The following CADM1 variants were observed in gnomAD, a reference collection of about 807,000 sequenced individuals.
CADM1 encodes cell adhesion molecule 1.
A neutral mutation model predicts 53.1 loss-of-function variants in CADM1; 15 were observed. The observed-to-expected ratio is 0.28, with a 90% CI of 0.19 to 0.44. CADM1 has a LOEUF of 0.44. CADM1 is among the 20% of genes least tolerant of loss of function. The probability of loss-of-function intolerance (pLI) is 1.00; values close to 1 mark genes in which losing one functional copy is unlikely to be tolerated. For missense variants in CADM1, 434 were observed against 611.3 expected (o/e 0.71, Z 3.06); for synonymous variants, 281 against 243.0 (o/e 1.16, Z -1.45).
chr11:115,225,199 T>C (rs1941558168), intron 5 of CADM1, among the ~76,000 whole-genome samples: 1 of 151,990 alleles, frequency 6.6e-6, no homozygotes, highest in African/African-American at 2.4e-5. Flanking sequence ...ATTAATGAGC[T>C]TGCAAACGAG....
At chr11:115,250,615 ACT>A (rs1035802331) in intron 1 of CADM1, among the ~76,000 whole-genome samples, 25 of 152,320 alleles carry the variant, frequency 1.6e-4, no homozygotes, top group Non-Finnish European at 2.9e-4. Context: ...TATTAAGAAA[ACT>A]CTCACTGCTA....
At chr11:115,225,538 A>G (rs1004230864) in intron 5 of CADM1, among the ~76,000 whole-genome samples, 2 of 152,156 alleles carry the variant, frequency 1.3e-5, no homozygotes, top group Non-Finnish European at 2.9e-5. Flanking sequence ...GGGCACAACA[A>G]TTTCTCCTGG....
chr11:115,390,671 A>T (rs1306326878), intron 1 of CADM1, among the ~76,000 whole-genome samples: 7 of 135,438 alleles, frequency 5.2e-5, no homozygotes, highest in African/African-American at 1.4e-4. Context: ...GGCTACTCTT[A>T]AAAAAAAAAA....
At chr11:115,408,268 C>T (rs915497757) in intron 1 of CADM1, among the ~76,000 whole-genome samples, 8 of 152,178 alleles carry the variant, frequency 5.3e-5, no homozygotes, top group African/African-American at 1.9e-4. Flanking sequence ...AATGTATTAA[C>T]TTTCCTCTGC....
chr11:115,300,827 T>C (rs990863882), intron 1 of CADM1, among the ~76,000 whole-genome samples: 58 of 152,102 alleles, frequency 3.8e-4, no homozygotes, highest in African/African-American at 1.2e-3. Context: ...AACTGTGAGA[T>C]ATGCATGTAG....
At chr11:115,187,020 T>C (rs1220428974) in intron 10 of CADM1, among the ~76,000 whole-genome samples, 1 of 152,200 alleles carries the variant, frequency 6.6e-6, no homozygotes, top group African/African-American at 2.4e-5. Flanking sequence ...TTTTGTTGAA[T>C]GAATAAAGAT....
intron 1 of CADM1, among the ~76,000 whole-genome samples, chr11:115,392,771 G>A (rs528187209): frequency 1.6e-4 from 24 of 152,184 alleles, no homozygotes; most frequent in South Asian, 4.2e-4. Flanking sequence ...AATTTCAATT[G>A]TGAAACCTGC....
At chr11:115,441,355 G>A (rs1343246850) in intron 1 of CADM1, among the ~76,000 whole-genome samples, 1 of 152,108 alleles carries the variant, frequency 6.6e-6, no homozygotes, top group Non-Finnish European at 1.5e-5. Flanking sequence ...TGTAAAGTTT[G>A]CAGAGATATT....
At chr11:115,326,374 T>A (rs1335533001) in intron 1 of CADM1, among the ~76,000 whole-genome samples, 1 of 152,188 alleles carries the variant, frequency 6.6e-6, no homozygotes, top group East Asian at 1.9e-4. Flanking sequence ...TATGTATGTG[T>A]ATGTGTGTCA....
chr11:115,485,480 T>C (rs1284596195), intron 1 of CADM1, among the ~76,000 whole-genome samples: 1 of 152,236 alleles, frequency 6.6e-6, no homozygotes, highest in Non-Finnish European at 1.5e-5. Flanking sequence ...TCTTGAATTG[T>C]AGCTCCTGTA....
intron 1 of CADM1, among the ~76,000 whole-genome samples, chr11:115,326,857 G>A (rs1490407201): frequency 1.1e-4 from 17 of 152,068 alleles, no homozygotes; most frequent in African/African-American, 4.1e-4. Context: ...TTGTGAAAAG[G>A]GTACACAGAG....
At chr11:115,230,098 G>A (rs1290248650) in intron 4 of CADM1, among the ~76,000 whole-genome samples, 1 of 152,158 alleles carries the variant, frequency 6.6e-6, no homozygotes, top group East Asian at 1.9e-4. Flanking sequence ...AATTCACTTA[G>A]ACAGAAAAGC....
chr11:115,233,444 G>T (rs1437495367), intron 3 of CADM1, among the ~76,000 whole-genome samples: 2 of 152,198 alleles, frequency 1.3e-5, no homozygotes, highest in East Asian at 3.9e-4. Flanking sequence ...ATCCATGCTA[G>T]ATGACAGTCA....
intron 1 of CADM1, among the ~76,000 whole-genome samples, chr11:115,360,813 C>T (rs1946007296): frequency 6.6e-6 from 1 of 152,152 alleles, no homozygotes; most frequent in Non-Finnish European, 1.5e-5. Context: ...GGTTCCTCTG[C>T]CTTAAAAATC....
chr11:115,377,280 C>G (rs941570191), intron 1 of CADM1: 6 of 152,088 alleles, frequency 3.9e-5, no homozygotes, highest in African/African-American at 1.4e-4. Flanking sequence ...AAATTATTTT[C>G]AAGTCACTTG....
chr11:115,391,732 T>G (rs933534187), intron 1 of CADM1, among the ~76,000 whole-genome samples: 3 of 152,162 alleles, frequency 2.0e-5, no homozygotes, highest in Non-Finnish European at 4.4e-5. Flanking sequence ...CTGACAAAAC[T>G]TCTCTTACAG....
chr11:115,493,668 T>G (rs976876431), intron 1 of CADM1, among the ~76,000 whole-genome samples: 2 of 152,172 alleles, frequency 1.3e-5, no homozygotes, highest in Admixed American at 1.3e-4. Context: ...ATTATGTCCC[T>G]CTTGAGGCAG....
At chr11:115,341,498 A>T (rs1269770771) in intron 1 of CADM1, among the ~76,000 whole-genome samples, 1 of 152,242 alleles carries the variant, frequency 6.6e-6, no homozygotes, top group Non-Finnish European at 1.5e-5. Flanking sequence ...TTCTCCATCA[A>T]GGAATGTGAG....
chr11:115,264,043 T>C (rs1455505032), intron 1 of CADM1, among the ~76,000 whole-genome samples: 1 of 152,190 alleles, frequency 6.6e-6, no homozygotes, highest in Non-Finnish European at 1.5e-5. Context: ...AGTCAAATTC[T>C]AACAGACTCA....
Sources: gnomAD v4.1 joint callset for allele counts (sites outside exome capture counted in the v4.1 genomes callset) on GRCh38, gnomAD v4.1.1 for gene constraint, MANE v1.5 for transcripts, NCBI Gene and HGNC (gene_info 2026-07-23, HGNC 2026-07-21) for gene names.